The following TAAR5 variants were observed in gnomAD, a reference collection of about 807,000 sequenced individuals.
The protein encoded by TAAR5 is trace amine-associated receptor 5.
TAAR5 carries 27 observed loss-of-function variants against 21.1 expected under a neutral mutation model. That is an observed-to-expected ratio of 1.28 (90% CI 0.94 to 1.76). The LOEUF (loss-of-function observed/expected upper bound fraction) is 1.76, where lower values mean the gene tolerates loss of function less well. TAAR5 is among the 40% of genes most tolerant of loss of function. TAAR5 has a pLI of 0.00. For synonymous variants in TAAR5, 203 were observed against 167.5 expected (o/e 1.21, Z -1.64); for missense variants, 495 against 405.6 (o/e 1.22, Z -1.89).
At chr6:132,600,987 AGGAAGGAG>A in the TAAR5 span, among the ~76,000 whole-genome samples, 9 of 104,542 alleles carry the variant, frequency 8.6e-5, no homozygotes, top group Non-Finnish European at 1.7e-4. Flanking sequence ...GAAAGAAGGA[AGGAAGGAG>A]GGAAGGAGGG....
At chr6:132,608,804 G>C in the TAAR5 span, 1 of 455,884 alleles carries the variant, frequency 2.2e-6, no homozygotes, top group East Asian at 6.9e-5. Context: ...AAAAGAGCAG[G>C]AACTGACCAG....
the TAAR5 span, among the ~76,000 whole-genome samples, chr6:132,613,746 A>T: frequency 6.6e-6 from 1 of 152,216 alleles, no homozygotes; most frequent in East Asian, 1.9e-4. Flanking sequence ...CAAGTTAGGA[A>T]TCTAATTTTC....
upstream of TAAR5, among the ~76,000 whole-genome samples, chr6:132,590,654 C>T (rs1776893202): frequency 6.6e-6 from 1 of 152,154 alleles, no homozygotes; most frequent in Admixed American, 6.5e-5. Flanking sequence ...TGCTATGATA[C>T]AAATAAGCTG....
the TAAR5 span, among the ~76,000 whole-genome samples, chr6:132,597,569 T>G: frequency 6.6e-6 from 1 of 152,194 alleles, no homozygotes; most frequent in East Asian, 1.9e-4. Context: ...ATACAGCATT[T>G]TTTTAAAAAC....
rs367711476 is a variant in TAAR5 at position 132,589,066 on chromosome 6, C to A, written c.621G>T (p.Leu207Phe). The A allele has an allele frequency of 6.2e-7, 1 of 1,613,950 alleles. No homozygotes were observed. Among genetic ancestry groups the A allele is most frequent in the African/African-American group, 1.3e-5 (1 of 74,912 alleles). The change falls in exon 1 of 1, where the codon TTG becomes TTT. Residue 207 changes from leucine to phenylalanine, a missense_variant. Transcript: ENST00000258034. ...TCATAATGAGGCAGGGGACAAAGAA[C>A]AAAGGGAAGTTTAACCAGCCCCAAA... ...NKFWGWLNFP[L>F]FFVPCLIMIS...
the TAAR5 span, among the ~76,000 whole-genome samples, chr6:132,615,790 G>A: frequency 6.6e-6 from 1 of 151,208 alleles, no homozygotes; most frequent in Non-Finnish European, 1.5e-5. Context: ...CTCTCTTCTT[G>A]AAAACTCACA....
chr6:132,591,205 T>C (rs545998034), upstream of TAAR5, among the ~76,000 whole-genome samples: 9 of 152,334 alleles, frequency 5.9e-5, no homozygotes, highest in African/African-American at 2.2e-4. Context: ...TTCACAGGGA[T>C]ATTATCAAGG....
the TAAR5 span, among the ~76,000 whole-genome samples, chr6:132,603,502 A>AG: frequency 6.6e-6 from 1 of 151,760 alleles, no homozygotes; most frequent in Non-Finnish European, 1.5e-5. Flanking sequence ...CTCAAAAAAA[A>AG]AAAAAAGAAA....
At chr6:132,599,135 A>T in the TAAR5 span, among the ~76,000 whole-genome samples, 41 of 152,152 alleles carry the variant, frequency 2.7e-4, no homozygotes, top group Non-Finnish European at 5.0e-4. Context: ...CAATTGGATG[A>T]AAAGGGGACT....
the TAAR5 span, chr6:132,594,978 A>G: frequency 1.3e-5 from 2 of 152,344 alleles, no homozygotes; most frequent in South Asian, 4.1e-4. Flanking sequence ...TGATGAGTAG[A>G]AAGAGTTCTA....
chr6:132,612,662 C>A, the TAAR5 span, among the ~76,000 whole-genome samples: 131,815 of 152,148 alleles, frequency 0.87, 57,547 homozygotes, highest in East Asian at 1. Flanking sequence ...GACACCCCTC[C>A]GTGTCCCATT....
the TAAR5 span, among the ~76,000 whole-genome samples, chr6:132,596,208 G>C: frequency 6.6e-6 from 1 of 152,032 alleles, no homozygotes; most frequent in African/African-American, 2.4e-5. Context: ...CCCTGTTTTC[G>C]TCTTATATTC....
the TAAR5 span, chr6:132,608,433 T>C: frequency 2.2e-6 from 1 of 455,828 alleles, no homozygotes; most frequent in African/African-American, 2.0e-5. Context: ...TGGAGTAGTC[T>C]AGGTATGGGT....
chr6:132,600,003 A>T, the TAAR5 span, among the ~76,000 whole-genome samples: 1 of 152,320 alleles, frequency 6.6e-6, no homozygotes, highest in Middle Eastern at 3.4e-3. Flanking sequence ...AACCAAAAAA[A>T]CCCTGATGAG....
At chr6:132,600,815 AGGAG>A in the TAAR5 span, among the ~76,000 whole-genome samples, 3 of 126,780 alleles carry the variant, frequency 2.4e-5, no homozygotes, top group Admixed American at 7.5e-5. Context: ...GAAGGAAGGA[AGGAG>A]GGAGGGAAGG....
At chr6:132,606,738 C>T in the TAAR5 span, among the ~76,000 whole-genome samples, 3 of 152,080 alleles carry the variant, frequency 2.0e-5, no homozygotes, top group African/African-American at 7.2e-5. Context: ...TAATGCCCTT[C>T]GAGACGGAAG....
chr6:132,599,580 C>T, the TAAR5 span, among the ~76,000 whole-genome samples: 3 of 152,036 alleles, frequency 2.0e-5, no homozygotes, highest in African/African-American at 7.2e-5. Context: ...CCACCTGCAT[C>T]CGCCTCCCAA....
At chr6:132,600,966 A>G in the TAAR5 span, among the ~76,000 whole-genome samples, 1 of 125,938 alleles carries the variant, frequency 7.9e-6, no homozygotes, top group East Asian at 2.6e-4. Flanking sequence ...GGAGGGAAGG[A>G]GGGAAGGAGG....
the TAAR5 span, among the ~76,000 whole-genome samples, chr6:132,610,929 A>T: frequency 0.68 from 102,846 of 151,982 alleles, 35,899 homozygotes; most frequent in African/African-American, 0.85. Flanking sequence ...GTTGGTTCAT[A>T]TTAGATCATC....
Sources: gnomAD v4.1 joint callset for allele counts (sites outside exome capture counted in the v4.1 genomes callset) on GRCh38, gnomAD v4.1.1 for gene constraint, MANE v1.5 for transcripts, NCBI Gene and HGNC (gene_info 2026-07-23, HGNC 2026-07-21) for gene names.